The following AXIN1 variants were observed in gnomAD, a reference collection of about 807,000 sequenced individuals.
AXIN1 encodes axin-1.
AXIN1 carries 30 observed loss-of-function variants against 76.4 expected under a neutral mutation model. The observed-to-expected ratio is 0.39, with a 90% CI of 0.29 to 0.53. The LOEUF (loss-of-function observed/expected upper bound fraction) is 0.53. Among genes scored for constraint, AXIN1 ranks in the 20% least tolerant of loss-of-function variants. AXIN1 has a pLI of 0.66. For missense variants in AXIN1, 1,140 were observed against 1,198.8 expected, an observed-to-expected ratio of 0.95 and a Z score of 0.72; for synonymous variants, 545 against 501.4, an observed-to-expected ratio of 1.09 and a Z score of -1.16.
At chr16:335,479 T>C (rs180939306) in intron 2 of AXIN1, among the ~76,000 whole-genome samples, 19 of 134,832 alleles carry the variant, frequency 1.4e-4, no homozygotes, top group Admixed American at 5.8e-4. Context: ...ACCAATAACA[T>C]AGCACTCAGT....
chr16:339,679 A>T (rs1321773028), intron 2 of AXIN1, among the ~76,000 whole-genome samples: 2 of 140,596 alleles, frequency 1.4e-5, no homozygotes, highest in Admixed American at 7.0e-5. Context: ...AAGACTGTCT[A>T]AAAAAAAAAA....
chr16:313,397 C>T (rs988122029), intron 3 of AXIN1, among the ~76,000 whole-genome samples: 2 of 152,176 alleles, frequency 1.3e-5, no homozygotes, highest in Non-Finnish European at 2.9e-5. Flanking sequence ...GTGAGAAGTC[C>T]CTCTCTCCTC....
chr16:351,753 T>A (rs551077639), intron 1 of AXIN1, among the ~76,000 whole-genome samples: 5,678 of 151,460 alleles, frequency 0.037, 177 homozygotes, highest in African/African-American at 0.082. Flanking sequence ...AAAAAATATA[T>A]ATATATATAT....
At chr16:317,274 G>A (rs2053325145) in intron 2 of AXIN1, among the ~76,000 whole-genome samples, 1 of 152,222 alleles carries the variant, frequency 6.6e-6, no homozygotes, top group Admixed American at 6.5e-5. Flanking sequence ...GTGCTGGGCA[G>A]GGCCTCGCTG....
intron 2 of AXIN1, among the ~76,000 whole-genome samples, chr16:330,748 C>T (rs1372811449): frequency 2.0e-5 from 3 of 152,200 alleles, no homozygotes; most frequent in Admixed American, 1.3e-4. Context: ...TTTATGCTTT[C>T]CTCCCCAGGA....
chr16:336,973 C>G (rs921285976), intron 2 of AXIN1, among the ~76,000 whole-genome samples: 1 of 151,246 alleles, frequency 6.6e-6, no homozygotes, highest in Non-Finnish European at 1.5e-5. Flanking sequence ...CACGGTGAAA[C>G]CCCGTCTCTA....
rs34523667 is a variant in AXIN1 at position 332,663 on chromosome 16, CA to C, written c.878+13484del. Among the ~76,000 whole-genome samples the C allele has an allele frequency of 7.2e-3, 823 of 113,746 alleles. 6 individuals are homozygous for C. The highest frequency in any genetic ancestry group is 0.018 in the Middle Eastern group (3 of 166). The allele number at this position is 113,746 out of a possible 152,430, so 74.6% of individuals were successfully genotyped here. A position where few individuals can be genotyped will look rare whatever the true frequency, so the allele number is the denominator to read the frequency against. On this transcript the variant is annotated intron_variant, in intron 2 of 10. Transcript: ENST00000262320. ...TGATCTAAACAATGTTGATCTAAAC[CA>C]AAAAAAAAAAAAAAAAGTATAATTT...
At chr16:320,473 C>T (rs1229838384) in intron 2 of AXIN1, among the ~76,000 whole-genome samples, 2 of 152,002 alleles carry the variant, frequency 1.3e-5, no homozygotes, top group Non-Finnish European at 1.5e-5. Flanking sequence ...AAAAGTTACA[C>T]AAAATTATGA....
At chr16:331,723 C>A (rs980441149) in intron 2 of AXIN1, among the ~76,000 whole-genome samples, 5 of 152,198 alleles carry the variant, frequency 3.3e-5, no homozygotes, top group African/African-American at 4.8e-5. Flanking sequence ...TTTGTGGTAT[C>A]TCCAACATAA....
intron 8 of AXIN1, chr16:292,958 A>C (rs7206517): frequency 8.2e-5 from 13 of 158,906 alleles, no homozygotes; most frequent in Middle Eastern, 6.5e-3. Flanking sequence ...CTGGACATCC[A>C]GGATGACAAG....
At chr16:290,571 C>G (rs551958061) in intron 9 of AXIN1, 1 of 166,818 alleles carries the variant, frequency 6.0e-6, no homozygotes, top group African/African-American at 2.4e-5. Context: ...GCCTGGGGGA[C>G]CCTTGTTCTC....
intron 2 of AXIN1, among the ~76,000 whole-genome samples, chr16:321,402 G>A (rs752449031): frequency 3.9e-5 from 6 of 152,218 alleles, no homozygotes; most frequent in South Asian, 2.1e-4. Context: ...ACCCCGCCAA[G>A]ACTTCTGTGT....
chr16:294,740 A>AGCGAAACC (rs2052661439), intron 7 of AXIN1, among the ~76,000 whole-genome samples: 1 of 111,370 alleles, frequency 9.0e-6, no homozygotes, highest in South Asian at 3.4e-4. Context: ...GAGCCACAGG[A>AGCGAAACC]GCGAAACCCC....
intron 1 of AXIN1, among the ~76,000 whole-genome samples, chr16:347,668 G>A (rs913757885): frequency 2.6e-5 from 4 of 152,194 alleles, no homozygotes; most frequent in Non-Finnish European, 5.9e-5. Flanking sequence ...GCTGCATCAC[G>A]TCACGCGTGG....
intron 2 of AXIN1, among the ~76,000 whole-genome samples, chr16:323,788 A>ACG (rs1471266793): frequency 1.2e-4 from 18 of 151,754 alleles, no homozygotes; most frequent in Non-Finnish European, 2.2e-4. Flanking sequence ...ACACACACAC[A>ACG]CACACACACA....
intron 4 of AXIN1, among the ~76,000 whole-genome samples, 187 bp from the exon 5 acceptor site, chr16:304,628 G>A (rs375713238): frequency 3.3e-5 from 5 of 152,148 alleles, no homozygotes; most frequent in African/African-American, 9.7e-5. Context: ...TCTGCTTCCC[G>A]GGTTCAAGCG....
In AXIN1 at chr16:314,626, C is replaced by T. The variant is rs1254600938; in HGVS notation, c.936G>A (p.Leu312=). 6.2e-7 allele frequency: 1 copy of T among 1,614,016 alleles called. No individual in the cohort carries two copies. The change falls in exon 3 of 11, where the codon CTG becomes CTA. Residue 312 remains leucine (L), a synonymous_variant. Coordinates refer to ENST00000262320, the MANE Select transcript of AXIN1 (RefSeq NM_003502.4). Reference sequence around the variant, plus strand: ...TGTCGTTGGCACTGGTGGCTGGGGCCAGGGCATAGCCGGCATTGACATAAT... The same window carrying T: ...TGTCGTTGGCACTGGTGGCTGGGGCTAGGGCATAGCCGGCATTGACATAAT... ...NPYYVNAGYA[L]APATSANDSE...
chr16:320,741 A>ATTT (rs1303646861), intron 2 of AXIN1, among the ~76,000 whole-genome samples: 984 of 91,952 alleles, frequency 0.011, 18 homozygotes, highest in African/African-American at 0.028. Flanking sequence ...ATATATATAT[A>ATTT]TATTTTTTTT....
chr16:331,244 GAA>G (rs35015540), intron 2 of AXIN1, among the ~76,000 whole-genome samples: 2 of 151,072 alleles, frequency 1.3e-5, no homozygotes, highest in Non-Finnish European at 3.0e-5. Flanking sequence ...TTCTGTACAT[GAA>G]AAAAAAAATT....
Sources: gnomAD v4.1 joint callset for allele counts (sites outside exome capture counted in the v4.1 genomes callset) on GRCh38, gnomAD v4.1.1 for gene constraint, MANE v1.5 for transcripts, NCBI Gene and HGNC (gene_info 2026-07-23, HGNC 2026-07-21) for gene names.